The following SMC2 variants were observed in gnomAD, a reference collection of about 807,000 sequenced individuals.
SMC2 encodes structural maintenance of chromosomes protein 2.
A neutral mutation model predicts 142.6 loss-of-function variants in SMC2; 41 were observed. That is an observed-to-expected ratio of 0.29 (90% CI 0.22 to 0.37). The LOEUF (loss-of-function observed/expected upper bound fraction) is 0.37. Among genes scored for constraint, SMC2 ranks in the 10% least tolerant of loss-of-function variants. The pLI, the probability that SMC2 is intolerant of heterozygous loss-of-function variation, is 1.00. For missense variants in SMC2, 1,265 were observed against 1,373.7 expected, an observed-to-expected ratio of 0.92 and a Z score of 1.25; for synonymous variants, 463 against 457.5, an observed-to-expected ratio of 1.01 and a Z score of -0.15.
At position 104,114,044 on chromosome 9, in the gene SMC2, C is replaced by T. The variant is rs1194473918; in HGVS notation, c.1495C>T (p.Leu499=). The T allele has an allele frequency of 3.1e-6, 5 of 1,595,390 alleles. No homozygotes were observed. Among genetic ancestry groups the T allele is most frequent in the Non-Finnish European group, 3.4e-6 (4 of 1,173,670 alleles). Residue 499 remains leucine, a synonymous_variant, in exon 12 of 25, where the codon CTA becomes TTA. Coordinates refer to ENST00000374793, the MANE Select transcript of SMC2 (RefSeq NM_006444.3). ...IGRLKETYEA[L]LARFPNLRFA... is the part of the protein sequence containing the mutation. ...TAGATTGAAAGAAACATATGAAGCT[C>T]TATTAGCCAGATTTCCCAATCTTCG...
Position 104,097,251 on chromosome 9 carries a change from C to G in SMC2, c.318+954C>G, listed in dbSNP as rs183446737. Among the ~76,000 whole-genome samples, 193 of 150,790 alleles carry G rather than the reference C, an allele frequency of 1.3e-3. 1 individual carries two copies. Among genetic ancestry groups the G allele is most frequent in the Non-Finnish European group, 2.5e-3 (171 of 67,794 alleles). ...AGCTGGGACTACAGGTGCCCACCAC[C>G]ACACCCGGCTAATTTTTTTTTGTTT... is the stretch of plus-strand genomic sequence containing the variant. On this transcript the variant is annotated intron_variant, in intron 3 of 24. Coordinates refer to ENST00000374793, the MANE Select transcript of SMC2 (RefSeq NM_006444.3).
Position 104,100,386 on chromosome 9 carries a change from C to T in SMC2, c.592-3C>T. On this transcript the variant is annotated splice_polypyrimidine_tract_variant and splice_region_variant and intron_variant, in intron 6 of 24. Coordinates refer to ENST00000374793, the MANE Select transcript of SMC2 (RefSeq NM_006444.3). ...AAAATACTGATTTTTCTTTATTTTC[C>T]AGATACTTGAAGAAGAGATTACTCC... 1 of 1,522,092 alleles carries T rather than the reference C, an allele frequency of 6.6e-7. No homozygotes were observed. Among genetic ancestry groups the T allele is most frequent in the Non-Finnish European group, 9.1e-7 (1 of 1,101,994 alleles). 94.3% of individuals were successfully genotyped at this position (1,522,092 alleles called of 1,614,324 possible).
chr9:104,095,985 C>T (rs997271091), intron 2 of SMC2, among the ~76,000 whole-genome samples, 163 bp from the exon 3 acceptor site: 1 of 152,156 alleles, frequency 6.6e-6, no homozygotes, highest in South Asian at 2.1e-4. Flanking sequence ...CAGGTTGTTG[C>T]CTATTTTCCT....
rs532344804 is a variant in SMC2, at chr9:104,134,148, T to A, written c.3109-267T>A. Among the ~76,000 whole-genome samples, 49 of 152,240 alleles carry A rather than the reference T, an allele frequency of 3.2e-4. 2 individuals carry two copies. The South Asian group carries it at 9.7e-3, about 30-fold the overall frequency. On this transcript the variant is annotated intron_variant, in intron 22 of 24. Coordinates refer to ENST00000374793, the MANE Select transcript of SMC2 (RefSeq NM_006444.3). ...AGAGCAGGATTCAGTAATTCATTTT[T>A]GTAAAGGGCCATATAGTAAATATTT... is the stretch of plus-strand genomic sequence containing the variant.
chr9:104,124,103 A>G (rs144042631), intron 17 of SMC2, among the ~76,000 whole-genome samples: 61 of 152,044 alleles, frequency 4.0e-4, no homozygotes, highest in African/African-American at 1.4e-3. Context: ...CCTTTTATTT[A>G]TTTTTTTGAG....
chr9:104,111,271 C>T (rs1378313700), intron 9 of SMC2, among the ~76,000 whole-genome samples: 8 of 152,100 alleles, frequency 5.3e-5, no homozygotes, highest in African/African-American at 1.7e-4. Flanking sequence ...TTCAGTTTTA[C>T]AGCTTTAGAA....
At chr9:104,111,542 T>C (rs1008646057) in intron 9 of SMC2, 39 bp from the exon 10 acceptor site, 1 of 1,434,632 alleles carries the variant, frequency 7.0e-7, no homozygotes, top group Non-Finnish European at 9.7e-7. Flanking sequence ...GTGTTTTTCC[T>C]GAAATATAAT....
chr9:104,112,989 T>A (rs1832659592), intron 10 of SMC2, among the ~76,000 whole-genome samples: 1 of 152,144 alleles, frequency 6.6e-6, no homozygotes, highest in African/African-American at 2.4e-5. Context: ...GAGTTGTGAT[T>A]TCTAGCGTTC....
chr9:104,125,247 G>A (rs959936120), intron 18 of SMC2, 142 bp downstream of exon 18: 3 of 646,036 alleles, frequency 4.6e-6, no homozygotes, highest in Admixed American at 3.1e-5. Context: ...AACAAATTAT[G>A]CTTCTTACAA....
At position 104,126,627 on chromosome 9, in the gene SMC2, T is replaced by C. The variant is rs762069594; in HGVS notation, c.2452-14T>C. On this transcript the variant is annotated splice_polypyrimidine_tract_variant and intron_variant, in intron 18 of 24. Coordinates refer to ENST00000374793, the MANE Select transcript of SMC2 (RefSeq NM_006444.3). ...ATAACCTATATGAATACCTGAATAC[T>C]GTATTTTTTATAGGAAGTTGAAGCT... 1 of 1,595,884 alleles carries C rather than the reference T, an allele frequency of 6.3e-7. No homozygotes were observed. The highest frequency in any genetic ancestry group is 1.1e-5 in the South Asian group (1 of 89,416).
At position 104,126,826 on chromosome 9, in the gene SMC2, T is replaced by A. The variant is rs1320700737; in HGVS notation, c.2595+42T>A. 2.6e-6 allele frequency: 4 copies of A among 1,551,832 alleles called. No individual in the cohort carries two copies. The South Asian group carries it at 3.5e-5, about 14-fold the overall frequency. On this transcript the variant is annotated intron_variant, in intron 19 of 24. Coordinates refer to ENST00000374793, the MANE Select transcript of SMC2 (RefSeq NM_006444.3). Reference sequence around the variant, plus strand: ...AAATTCGAGAAATTGAAAATGCGAATCTTTTTATGAAACATTAGCTTAAGA... The same window carrying A: ...AAATTCGAGAAATTGAAAATGCGAAACTTTTTATGAAACATTAGCTTAAGA...
At chr9:104,100,279 A>G in intron 6 of SMC2, 76 bp downstream of exon 6, 1 of 1,400,592 alleles carries the variant, frequency 7.1e-7, no homozygotes, top group Non-Finnish European at 9.8e-7. Context: ...AAAGAGGGAA[A>G]AATTTTTTTC....
intron 18 of SMC2, among the ~76,000 whole-genome samples, chr9:104,125,472 A>G (rs891073054): frequency 5.3e-5 from 8 of 152,162 alleles, no homozygotes; most frequent in Admixed American, 3.9e-4. Context: ...GGGATATTTA[A>G]TCTGTATTTT....
rs145244853 is a variant in SMC2 at position 104,120,160 on chromosome 9, A to G, written c.2130A>G (p.Glu710=). The G allele has an allele frequency of 1.3e-4, 207 of 1,605,890 alleles. No homozygotes were observed. The African/African-American group carries it at 2.4e-3, about 18-fold the overall frequency. The part of the protein sequence containing the change: ...EELAGLKNTA[E]KYRQLKQQWE... Reference sequence around the variant, plus strand: ...TAGCAGGTCTTAAAAACACTGCTGAAAAGTAAGAACTGCATATACTTTTTT... The same window carrying G: ...TAGCAGGTCTTAAAAACACTGCTGAGAAGTAAGAACTGCATATACTTTTTT... Residue 710 remains glutamate, a splice_region_variant and synonymous_variant, in exon 16 of 25, where the codon GAA becomes GAG. Transcript: ENST00000374793.
In SMC2 at chr9:104,118,159, G is replaced by C. The variant is rs750491408; in HGVS notation, c.1792-12G>C. On this transcript the variant is annotated splice_polypyrimidine_tract_variant and intron_variant, in intron 14 of 24. Transcript: ENST00000374793. ...TAGTATGTACTGTGGCATATCTGTT[G>C]TTGTCCCACAGGTTGGCCCTGACAA... The C allele has an allele frequency of 6.2e-7, 1 of 1,612,012 alleles. No individual in the cohort carries two copies. Among genetic ancestry groups the C allele is most frequent in the Non-Finnish European group, 8.5e-7 (1 of 1,178,282 alleles).
chr9:104,135,732 C>A, intron 23 of SMC2: 1 of 428,378 alleles, frequency 2.3e-6, no homozygotes, highest in South Asian at 1.7e-5. Context: ...ATAAAAATGA[C>A]TTTAGACTTC....
At chr9:104,101,477 T>A (rs1324899458) in intron 7 of SMC2, among the ~76,000 whole-genome samples, 1 of 152,204 alleles carries the variant, frequency 6.6e-6, no homozygotes, top group African/African-American at 2.4e-5. Flanking sequence ...CATGGACAGA[T>A]CATTTAATCA....
At chr9:104,124,811 T>C in intron 17 of SMC2, 101 bp from the exon 18 acceptor site, 5 of 827,952 alleles carry the variant, frequency 6.0e-6, no homozygotes, top group Non-Finnish European at 9.4e-6. Context: ...TTTTCTTAAA[T>C]TGTACCCTGT....
At chr9:104,094,890 GAGTGA>G (rs1219152421) in intron 1 of SMC2, 2 of 109,874 alleles carry the variant, frequency 1.8e-5, no homozygotes, top group Non-Finnish European at 3.7e-5. Context: ...AAAGAAAGCC[GAGTGA>G]AGGATTGTGG....
Sources: allele counts gnomAD v4.1 joint callset (sites outside exome capture counted in the v4.1 genomes callset), GRCh38; gene constraint gnomAD v4.1.1; transcripts MANE v1.5; gene names NCBI Gene and HGNC (gene_info 2026-07-23, HGNC 2026-07-21).